The following OTULIN variants were observed in gnomAD, a reference collection of about 807,000 sequenced individuals.
OTULIN encodes ubiquitin thioesterase otulin.
In OTULIN, 15 loss-of-function variants were observed where a neutral mutation model predicts 39.6. That is an observed-to-expected ratio of 0.38 (90% confidence interval 0.25 to 0.58). OTULIN has a LOEUF of 0.58. OTULIN is among the 20% of genes least tolerant of loss of function. The pLI, the probability that OTULIN is intolerant of heterozygous loss-of-function variation, is 0.66. For missense variants in OTULIN, 319 were observed against 445.9 expected, an observed-to-expected ratio of 0.72 and a Z score of 2.56; for synonymous variants, 156 against 170.3, an observed-to-expected ratio of 0.92 and a Z score of 0.65.
Position 14,681,589 on chromosome 5 carries a change from G to A in OTULIN, c.450G>A (p.Gln150=). Residue 150 remains glutamine (Q), a synonymous_variant, in exon 4 of 7, where the codon CAG becomes CAA. Coordinates refer to ENST00000284274, the MANE Select transcript of OTULIN (RefSeq NM_138348.6). ...CTGTGGGGCTGCCGCCCTGGCTGCA[G>A]GACCCGGAGCTCATGCTGGTACGCT... The part of the protein sequence containing the change: ...SQAVGLPPWL[Q]DPELMLLPEK... The A allele has an allele frequency of 6.2e-7, 1 of 1,613,654 alleles. No individual in the cohort carries two copies. Among genetic ancestry groups the A allele is most frequent in the Non-Finnish European group, 8.5e-7 (1 of 1,179,936 alleles).
At chr5:14,711,497 G>C in the OTULIN span, among the ~76,000 whole-genome samples, 1 of 151,994 alleles carries the variant, frequency 6.6e-6, no homozygotes, top group Non-Finnish European at 1.5e-5. Flanking sequence ...TTGGTTGTCT[G>C]TGTGCCTGCT....
the OTULIN span, chr5:14,710,870 T>C: frequency 2.7e-6 from 1 of 370,430 alleles, no homozygotes. Flanking sequence ...AGTCCTTTGG[T>C]TCCAAGAGGA....
intron 1 of OTULIN, among the ~76,000 whole-genome samples, chr5:14,665,218 A>G (rs1412577399): frequency 1.3e-5 from 2 of 152,232 alleles, no homozygotes; most frequent in African/African-American, 4.8e-5. Context: ...CATTTTTGAT[A>G]TCTGCATGTC....
chr5:14,683,377 T>G (rs541518699), intron 4 of OTULIN, among the ~76,000 whole-genome samples: 1 of 152,344 alleles, frequency 6.6e-6, no homozygotes, highest in South Asian at 2.1e-4. Flanking sequence ...GCAAGAGAAA[T>G]GGATATACTA....
intron 1 of OTULIN, among the ~76,000 whole-genome samples, chr5:14,665,691 C>A (rs1735821068): frequency 6.6e-6 from 1 of 152,076 alleles, no homozygotes; most frequent in Admixed American, 6.5e-5. Flanking sequence ...TATGAAAGCA[C>A]ACAGACAGCC....
chr5:14,683,234 G>T (rs1003719045), intron 4 of OTULIN, among the ~76,000 whole-genome samples: 1 of 151,940 alleles, frequency 6.6e-6, no homozygotes, highest in African/African-American at 2.4e-5. Context: ...GCAACATAAG[G>T]AGACCCCTTG....
intron 2 of OTULIN, among the ~76,000 whole-genome samples, chr5:14,676,017 C>T (rs10077606): frequency 6.6e-6 from 1 of 152,120 alleles, no homozygotes. Context: ...CCTTATGGCT[C>T]TCCAAGCCTT....
Position 14,690,106 on chromosome 5 carries a change from A to G in OTULIN, c.662A>G (p.Asn221Ser), listed in dbSNP as rs769766776. Reference protein sequence around the residue: ...RQIACDELFTNEAEEYSLYEA... With the variant: ...RQIACDELFTSEAEEYSLYEA... ...ATAGCTTGTGATGAACTATTCACAA[A>G]TGAGGCGGAGGAATATAGCCTCTAT... The change falls in exon 6 of 7, where the codon AAT (asparagine) becomes AGT (serine). Residue 221 changes from asparagine to serine, a missense_variant. Physicochemically the swap from Asn to Ser is conservative, Grantham distance 46 (BLOSUM62 1). Coordinates refer to ENST00000284274, the MANE Select transcript of OTULIN (RefSeq NM_138348.6). The surrounding 1 kb of genome is among the most constrained non-coding windows in gnomAD (Gnocchi z 4.5). 1.2e-6 allele frequency: 2 copies of G among 1,614,232 alleles called. No individual in the cohort carries two copies. The highest frequency in any genetic ancestry group is 1.7e-6 in the Non-Finnish European group (2 of 1,180,018).
At chr5:14,681,233 C>CTT (rs35733488) in intron 3 of OTULIN, among the ~76,000 whole-genome samples, 38 of 142,770 alleles carry the variant, frequency 2.7e-4, no homozygotes, top group Admixed American at 1.0e-3. Flanking sequence ...TTTTTCTTGC[C>CTT]TTTTTTTTTT....
chr5:14,692,786 G>A, intron 6 of OTULIN, 68 bp from the exon 7 acceptor site: 1 of 1,422,430 alleles, frequency 7.0e-7, no homozygotes. Flanking sequence ...ATAATGGATG[G>A]AACATGGTGT....
At chr5:14,679,347 TACACCACAC>T (rs1463147361) in intron 3 of OTULIN, among the ~76,000 whole-genome samples, 4 of 152,176 alleles carry the variant, frequency 2.6e-5, no homozygotes. Context: ...ATGGCCTACA[TACACCACAC>T]AGCTGATCAA....
Position 14,692,866 on chromosome 5 carries a change from C to A in OTULIN, c.877C>A (p.Leu293Ile). 2.5e-6 allele frequency: 4 copies of A among 1,613,684 alleles called. No homozygotes were observed. The highest frequency in any genetic ancestry group is 3.4e-6 in the Non-Finnish European group (4 of 1,179,716). ...CTCTTCTTCCCAGGTTGAAATGTTC[C>A]TTCTTGCCTATGCTGTGCGCCACAC... ...TGGLEQVEMF[L>I]LAYAVRHTIQ... is the part of the protein sequence containing the mutation. The change falls in exon 7 of 7, where the codon CTT becomes ATT. Residue 293 changes from leucine to isoleucine, a missense_variant. Transcript: ENST00000284274.
chr5:14,669,704 G>A (rs746880578), intron 1 of OTULIN, among the ~76,000 whole-genome samples: 35 of 152,168 alleles, frequency 2.3e-4, no homozygotes, highest in Non-Finnish European at 3.8e-4. Flanking sequence ...CCAGGAGGTC[G>A]AAGCTGCAGT....
At chr5:14,706,741 G>C in the OTULIN span, 1 of 152,208 alleles carries the variant, frequency 6.6e-6, no homozygotes, top group African/African-American at 2.4e-5. Flanking sequence ...ATCAGTTGAT[G>C]AGTCACATGA....
At chr5:14,679,283 T>C (rs1268064631) in intron 3 of OTULIN, among the ~76,000 whole-genome samples, 1 of 152,168 alleles carries the variant, frequency 6.6e-6, no homozygotes, top group African/African-American at 2.4e-5. Flanking sequence ...GAGATTCATA[T>C]GATGTGGTCC....
intron 2 of OTULIN, among the ~76,000 whole-genome samples, chr5:14,675,950 T>TA (rs1323080680): frequency 3.3e-5 from 5 of 152,238 alleles, no homozygotes; most frequent in Non-Finnish European, 5.9e-5. Flanking sequence ...CATATTAATT[T>TA]ACATATTGTC....
rs1268244206 is a variant in OTULIN, at chr5:14,693,199, T to C, written c.*151T>C. On this transcript the variant is annotated 3_prime_UTR_variant, in exon 7 of 7. Transcript: ENST00000284274. ...AAGTTGGACAGGATGTCCTGAAGAC[T>C]AGCTTTTGATAAGAGAAATTAACCA... 16 of 629,382 alleles carry C rather than the reference T, an allele frequency of 2.5e-5. No homozygotes were observed. Among genetic ancestry groups the C allele is most frequent in the South Asian group, 4.6e-5 (2 of 43,266 alleles). The allele number at this position is 629,382 out of a possible 1,614,324, so 39.0% of individuals were successfully genotyped here.
At chr5:14,714,483 C>A in the OTULIN span, among the ~76,000 whole-genome samples, 5 of 152,126 alleles carry the variant, frequency 3.3e-5, no homozygotes, top group Non-Finnish European at 5.9e-5. Context: ...GTGGACAGCA[C>A]CAGGCAAGGG....
At chr5:14,711,550 A>G in the OTULIN span, among the ~76,000 whole-genome samples, 151,251 of 152,308 alleles carry the variant, frequency 0.99, 75,186 homozygotes, top group Middle Eastern at 1. Flanking sequence ...GGAGGACACC[A>G]TGTCCCACTG....
Sources: allele counts gnomAD v4.1 joint callset (sites outside exome capture counted in the v4.1 genomes callset), GRCh38; gene constraint gnomAD v4.1.1; non-coding constraint Gnocchi (gnomAD v3.1); transcripts MANE v1.5; gene names NCBI Gene and HGNC (gene_info 2026-07-23, HGNC 2026-07-21).